GABRA2: variants seen among roughly 807,000 people sequenced by gnomAD.
GABRA2 encodes the protein gamma-aminobutyric acid type A receptor subunit alpha2.
A neutral mutation model predicts 48.7 loss-of-function variants in GABRA2; 16 were observed. The ratio of observed to expected loss-of-function variants is 0.33; its 90% CI spans 0.22 to 0.50. GABRA2 has a LOEUF of 0.50. GABRA2 is among the 20% of genes least tolerant of loss of function. The probability of loss-of-function intolerance (pLI) is 0.98; values close to 1 mark genes in which losing one functional copy is unlikely to be tolerated. For synonymous variants in GABRA2, 185 were observed against 184.5 expected (o/e 1.00, Z -0.02); for missense variants, 275 against 535.6 (o/e 0.51, Z 4.80).
intron 8 of GABRA2, among the ~76,000 whole-genome samples, chr4:46,279,856 TA>T (rs1452439070): frequency 1.3e-5 from 2 of 152,140 alleles, no homozygotes; most frequent in Non-Finnish European, 2.9e-5. Flanking sequence ...GAATATACTA[TA>T]ATCTATAGTG....
intron 4 of GABRA2, among the ~76,000 whole-genome samples, chr4:46,313,888 G>A (rs1256225864): frequency 5.3e-5 from 8 of 152,046 alleles, no homozygotes; most frequent in Admixed American, 4.6e-4. Context: ...AGATAAAAAG[G>A]TCATATACTA....
intron 4 of GABRA2, among the ~76,000 whole-genome samples, chr4:46,330,891 T>C (rs957880237): frequency 3.3e-5 from 5 of 152,092 alleles, no homozygotes; most frequent in Non-Finnish European, 5.9e-5. Context: ...TTATCTGCAC[T>C]GTGTCTCTAA....
At chr4:46,382,564 G>C (rs1039405992) in intron 3 of GABRA2, among the ~76,000 whole-genome samples, 4 of 152,140 alleles carry the variant, frequency 2.6e-5, no homozygotes, top group African/African-American at 9.7e-5. Context: ...ACCATTGCAA[G>C]GATCTGAGCA....
intron 3 of GABRA2, among the ~76,000 whole-genome samples, chr4:46,339,326 C>T (rs1223912134): frequency 6.6e-6 from 1 of 151,756 alleles, no homozygotes; most frequent in Non-Finnish European, 1.5e-5. Flanking sequence ...CGAACATTTC[C>T]ATTATCACAG....
intron 3 of GABRA2, among the ~76,000 whole-genome samples, chr4:46,376,927 G>C (rs575697987): frequency 6.6e-6 from 1 of 152,216 alleles, no homozygotes; most frequent in East Asian, 1.9e-4. Context: ...GGTGGAGACG[G>C]GGTTTCGCTG....
At chr4:46,376,309 A>G (rs1715692282) in intron 3 of GABRA2, among the ~76,000 whole-genome samples, 1 of 152,254 alleles carries the variant, frequency 6.6e-6, no homozygotes, top group South Asian at 2.1e-4. Flanking sequence ...GTAGCAATCA[A>G]AATAGGACAC....
chr4:46,294,495 T>C (rs1724262110), intron 8 of GABRA2, among the ~76,000 whole-genome samples: 1 of 152,204 alleles, frequency 6.6e-6, no homozygotes, highest in Non-Finnish European at 1.5e-5. Context: ...TCCCATTTAT[T>C]GAGTGACCTG....
Position 46,303,171 on chromosome 4 carries a change from C to G in GABRA2, c.856+289G>C, listed in dbSNP as rs543268873. 9 of 276,992 alleles carry G rather than the reference C, an allele frequency of 3.2e-5. No individual in the cohort carries two copies. In the South Asian group the frequency reaches 7.5e-4, roughly 23 times the overall value. The allele number at this position is 276,992 out of a possible 1,614,324, so 17.2% of individuals were successfully genotyped here. A position where few individuals can be genotyped will look rare whatever the true frequency, so the allele number is the denominator to read the frequency against. ...TTGAGCAAAAAAAAAAAAGAAAATT[C>G]ACCTTGTGTAAATATAGTACAGACA... is the stretch of plus-strand genomic sequence containing the variant. On this transcript the variant is annotated intron_variant, in intron 8 of 9. Coordinates refer to ENST00000381620, the MANE Select transcript of GABRA2 (RefSeq NM_000807.4).
At chr4:46,327,986 A>G (rs1411932067) in intron 4 of GABRA2, among the ~76,000 whole-genome samples, 1 of 152,036 alleles carries the variant, frequency 6.6e-6, no homozygotes, top group African/African-American at 2.4e-5. Flanking sequence ...TAATATGCAC[A>G]CACAGTGAAA....
At chr4:46,340,150 T>C (rs1449128756) in intron 3 of GABRA2, among the ~76,000 whole-genome samples, 3 of 151,876 alleles carry the variant, frequency 2.0e-5, no homozygotes, top group Admixed American at 2.0e-4. Flanking sequence ...GCTACCATCA[T>C]CTGTCTCTGG....
At chr4:46,340,337 T>C (rs1733002925) in intron 3 of GABRA2, among the ~76,000 whole-genome samples, 1 of 152,002 alleles carries the variant, frequency 6.6e-6, no homozygotes, top group African/African-American at 2.4e-5. Context: ...AACATTTTTA[T>C]CACCACAAAG....
chr4:46,272,890 C>A (rs1719607546), intron 8 of GABRA2, among the ~76,000 whole-genome samples: 1 of 151,898 alleles, frequency 6.6e-6, no homozygotes, highest in African/African-American at 2.4e-5. Context: ...CTTTCAAGAG[C>A]AATGGGAAAC....
Position 46,371,618 on chromosome 4 carries a change from A to T in GABRA2, c.187+14456T>A, listed in dbSNP as rs1486300235. Among the ~76,000 whole-genome samples the T allele has an allele frequency of 1.1e-4, 17 of 152,182 alleles. No individual in the cohort carries two copies. In the South Asian group the frequency reaches 3.5e-3, roughly 32 times the overall value. ...AGATTTTTTTTACTCATAGAGGATG[A>T]TATAACTAAAGTGCAGTCATGACTG... On this transcript the variant is annotated intron_variant, in intron 3 of 9. Coordinates refer to ENST00000381620, the MANE Select transcript of GABRA2 (RefSeq NM_000807.4).
intron 8 of GABRA2, among the ~76,000 whole-genome samples, chr4:46,262,935 GAAGAAAGA>G (rs112511990): frequency 2.1e-4 from 30 of 140,262 alleles, no homozygotes; most frequent in Admixed American, 5.7e-4. Flanking sequence ...GAGAAAGAAA[GAAGAAAGA>G]AAGAAAGAAA....
intron 3 of GABRA2, among the ~76,000 whole-genome samples, chr4:46,377,619 C>T (rs1260022275): frequency 8.6e-5 from 13 of 150,692 alleles, no homozygotes; most frequent in Non-Finnish European, 1.8e-4. Flanking sequence ...GTCAGCCCCC[C>T]GCCCGGCTAG....
chr4:46,372,140 TTA>T (rs1714992213), intron 3 of GABRA2, among the ~76,000 whole-genome samples: 1 of 152,204 alleles, frequency 6.6e-6, no homozygotes, highest in African/African-American at 2.4e-5. Flanking sequence ...AACTTTTCTA[TTA>T]GAGAGTTAGC....
intron 3 of GABRA2, among the ~76,000 whole-genome samples, chr4:46,382,939 A>G (rs1232874887): frequency 6.6e-6 from 1 of 152,216 alleles, no homozygotes; most frequent in African/African-American, 2.4e-5. Flanking sequence ...GCAGTTTGAT[A>G]CATTAAAATC....
chr4:46,366,295 G>A (rs1714024298), intron 3 of GABRA2: 1 of 151,958 alleles, frequency 6.6e-6, no homozygotes, highest in African/African-American at 2.4e-5. Flanking sequence ...GTCAAACTCA[G>A]GATGACCAAG....
chr4:46,279,590 C>A (rs554145562), intron 8 of GABRA2, among the ~76,000 whole-genome samples: 1 of 152,104 alleles, frequency 6.6e-6, no homozygotes, highest in East Asian at 1.9e-4. Flanking sequence ...CATAAAAAAT[C>A]TTACGTGGAA....
Sources: gnomAD v4.1 joint callset for allele counts (sites outside exome capture counted in the v4.1 genomes callset) on GRCh38, gnomAD v4.1.1 for gene constraint, MANE v1.5 for transcripts, NCBI Gene and HGNC (gene_info 2026-07-23, HGNC 2026-07-21) for gene names.